The following STAT3 variants were observed in gnomAD, a reference collection of about 807,000 sequenced individuals.
STAT3 encodes signal transducer and activator of transcription 3, also known as DNA-binding protein APRF.
In STAT3, 7 loss-of-function variants were observed where a neutral mutation model predicts 114.3. The observed-to-expected ratio is 0.06, with a 90% CI of 0.03 to 0.11. STAT3 has a LOEUF of 0.11. STAT3 is among the 10% of genes least tolerant of loss of function. The probability of loss-of-function intolerance (pLI) is 1.00; values close to 1 mark genes in which losing one functional copy is unlikely to be tolerated. For synonymous variants in STAT3, 331 were observed against 354.5 expected (o/e 0.93, Z 0.74); for missense variants, 364 against 960.9 (o/e 0.38, Z 8.21).
chr17:42,373,134 G>C (rs975270882), intron 1 of STAT3, among the ~76,000 whole-genome samples: 2 of 152,188 alleles, frequency 1.3e-5, no homozygotes, highest in African/African-American at 4.8e-5. Context: ...GGCGGATCAC[G>C]AGGTCAAGAG....
intron 4 of STAT3, among the ~76,000 whole-genome samples, chr17:42,340,506 CA>C (rs879846177): frequency 1.4e-3 from 194 of 136,614 alleles, no homozygotes; most frequent in Admixed American, 1.7e-3. Flanking sequence ...TCATCTCAAC[CA>C]AAAAAAAAAA....
intron 1 of STAT3, chr17:42,387,442 C>T (rs773778393): frequency 6.6e-6 from 1 of 152,188 alleles, no homozygotes; most frequent in Non-Finnish European, 1.5e-5. Context: ...TTCATTCCGT[C>T]CTATGCAATT....
At chr17:42,343,804 A>G (rs2082564689) in intron 4 of STAT3, among the ~76,000 whole-genome samples, 1 of 152,146 alleles carries the variant, frequency 6.6e-6, no homozygotes, top group South Asian at 2.1e-4. Context: ...GCTACTGATT[A>G]GGGGAACTGC....
At chr17:42,359,974 G>A (rs907477018) in intron 1 of STAT3, among the ~76,000 whole-genome samples, 4 of 150,320 alleles carry the variant, frequency 2.7e-5, no homozygotes, top group African/African-American at 7.4e-5. Flanking sequence ...GCAGGAGAAT[G>A]GTGTGAACCT....
intron 21 of STAT3, among the ~76,000 whole-genome samples, chr17:42,320,928 G>A (rs781627302): frequency 1.0e-4 from 15 of 144,116 alleles, no homozygotes; most frequent in Admixed American, 2.7e-4. Context: ...GTTTTGTTTC[G>A]TTTTTTTCTT....
At chr17:42,354,666 G>C (rs1037001291) in intron 1 of STAT3, among the ~76,000 whole-genome samples, 6 of 151,160 alleles carry the variant, frequency 4.0e-5, no homozygotes, top group African/African-American at 1.5e-4. Context: ...AATTAGCCAG[G>C]CGTGGTGGTG....
At chr17:42,322,877 G>A (rs182098289) in intron 20 of STAT3, 127 bp downstream of exon 20, 9 of 1,353,492 alleles carry the variant, frequency 6.6e-6, no homozygotes, top group East Asian at 2.3e-5. Context: ...TGTGTTTTGC[G>A]AGTCTGAGTG....
rs751411956 is a variant in STAT3, at chr17:42,337,821, G to T, written c.587C>A (p.Thr196Asn). 4 of 1,614,234 alleles carry T rather than the reference G, an allele frequency of 2.5e-6. No individual in the cohort carries two copies. The highest frequency in any genetic ancestry group is 3.4e-6 in the Non-Finnish European group (4 of 1,180,050). Residue 196 changes from threonine (T) to asparagine (N), a missense_variant, in exon 7 of 24, where the codon ACC becomes AAC. By Grantham distance (65) the Thr-to-Asn change is moderately conservative. Coordinates refer to ENST00000264657, the MANE Select transcript of STAT3 (RefSeq NM_139276.3). This position sits in a 1 kb window ranked among gnomAD's most constrained non-coding sequence, Gnocchi z 4.0. ...TTCCAGCTGCTGCATCTTCTGCCTG[G>T]TCACTGACTGGTTGTTTCCATTCAG... ...QDLNGNNQSVTRQKMQQLEQM... is the reference protein window; with the variant it reads ...QDLNGNNQSVNRQKMQQLEQM...
At chr17:42,316,934 C>T (rs370023475) in intron 22 of STAT3, 33 bp from the exon 23 acceptor site, 60 of 1,589,150 alleles carry the variant, frequency 3.8e-5, no homozygotes, top group African/African-American at 2.1e-4. Flanking sequence ...GGAGGGGAAA[C>T]GGGGGGTTGA....
At chr17:42,381,938 T>C (rs1000731699) in intron 1 of STAT3, among the ~76,000 whole-genome samples, 2 of 152,138 alleles carry the variant, frequency 1.3e-5, no homozygotes, top group African/African-American at 4.8e-5. Flanking sequence ...TTAATGACAT[T>C]TAAACCCAAT....
chr17:42,382,552 C>T (rs1308840689), intron 1 of STAT3, among the ~76,000 whole-genome samples: 1 of 152,174 alleles, frequency 6.6e-6, no homozygotes, highest in Admixed American at 6.6e-5. Flanking sequence ...TTCATGAAAA[C>T]GGACAATATT....
intron 14 of STAT3, among the ~76,000 whole-genome samples, chr17:42,328,042 A>G (rs201537753): frequency 6.7e-6 from 1 of 148,792 alleles, no homozygotes; most frequent in Admixed American, 6.6e-5. Context: ...GACTCAAAAA[A>G]AAAAAAGAAA....
intron 14 of STAT3, among the ~76,000 whole-genome samples, chr17:42,328,620 C>CTGG (rs2081849878): frequency 1.3e-5 from 2 of 152,186 alleles, no homozygotes; most frequent in Non-Finnish European, 2.9e-5. Flanking sequence ...GTTGGCCAGG[C>CTGG]TGGTCTTGAA....
At chr17:42,367,040 C>T (rs890413105) in intron 1 of STAT3, among the ~76,000 whole-genome samples, 1 of 152,092 alleles carries the variant, frequency 6.6e-6, no homozygotes, top group Admixed American at 6.6e-5. Flanking sequence ...ACTCGGGAGG[C>T]TGAGGCAGGA....
rs772223179 is a variant in STAT3, at chr17:42,333,836, C to T, written c.956+55G>A. 5.0e-6 allele frequency: 8 copies of T among 1,613,822 alleles called. No homozygotes were observed. Among genetic ancestry groups the T allele is most frequent in the East Asian group, 4.5e-5 (2 of 44,896 alleles). ...AGTCAGCCCGCCTCTCACTCTACCA[C>T]GTGAGTCTTTAGGTATTTTTTAGAT... On this transcript the variant is annotated intron_variant, in intron 9 of 23. Coordinates refer to ENST00000264657, the MANE Select transcript of STAT3 (RefSeq NM_139276.3). This position sits in a 1 kb window ranked among gnomAD's most constrained non-coding sequence, Gnocchi z 5.2.
At chr17:42,320,898 G>A (rs999066500) in intron 21 of STAT3, among the ~76,000 whole-genome samples, 4 of 151,874 alleles carry the variant, frequency 2.6e-5, no homozygotes, top group African/African-American at 9.7e-5. Flanking sequence ...TCCACACTGA[G>A]GACAGCTGCA....
intron 4 of STAT3, among the ~76,000 whole-genome samples, chr17:42,345,040 C>T (rs1032396403): frequency 5.3e-5 from 8 of 151,254 alleles, no homozygotes; most frequent in South Asian, 4.2e-4. Context: ...CTGAGGCGGG[C>T]GGATCACCTG....
intron 13 of STAT3, 32 bp from the exon 14 acceptor site, chr17:42,329,489 G>A (rs2081898034): frequency 1.2e-6 from 2 of 1,614,162 alleles, no homozygotes; most frequent in Non-Finnish European, 8.5e-7. Context: ...GGTGTCCTGT[G>A]AGGCTCTCCC....
At position 42,331,585 on chromosome 17, in the gene STAT3, T is replaced by C. The variant is rs1437047357; in HGVS notation, c.1050-54A>G. 4 of 1,408,888 alleles carry C rather than the reference T, an allele frequency of 2.8e-6. No individual in the cohort carries two copies. In the Admixed American group the frequency reaches 6.9e-5, roughly 24 times the overall value. 87.3% of individuals were successfully genotyped at this position (1,408,888 alleles called of 1,614,324 possible). On this transcript the variant is annotated intron_variant, in intron 10 of 23. Coordinates refer to ENST00000264657, the MANE Select transcript of STAT3 (RefSeq NM_139276.3). Reference sequence around the variant, plus strand: ...AAAAGTCAGTAACTCTCCCATAACCTTTTCTTGAAGAAATGTAAAATTCAT... The same window carrying C: ...AAAAGTCAGTAACTCTCCCATAACCCTTTCTTGAAGAAATGTAAAATTCAT...
Sources: allele counts gnomAD v4.1 joint callset (sites outside exome capture counted in the v4.1 genomes callset), GRCh38; gene constraint gnomAD v4.1.1; non-coding constraint Gnocchi (gnomAD v3.1); transcripts MANE v1.5; gene names NCBI Gene and HGNC (gene_info 2026-07-23, HGNC 2026-07-21).